WNT11: variants seen among roughly 807,000 people sequenced by gnomAD.
The protein encoded by WNT11 is Wnt family member 11.
WNT11 carries 20 observed loss-of-function variants against 35.6 expected under a neutral mutation model. That is an observed-to-expected ratio of 0.56 (90% CI 0.40 to 0.82). WNT11 has a LOEUF of 0.82. Among genes scored for constraint, WNT11 ranks in the 40% least tolerant of loss-of-function variants. The pLI, the probability that WNT11 is intolerant of heterozygous loss-of-function variation, is 0.00. For missense variants in WNT11, 459 were observed against 504.4 expected, an observed-to-expected ratio of 0.91 and a Z score of 0.86; for synonymous variants, 200 against 211.9, an observed-to-expected ratio of 0.94 and a Z score of 0.49.
At chr11:76,210,534 G>C (rs1205306631), upstream of WNT11, 1 of 985,154 alleles carries the variant, frequency 1.0e-6, no homozygotes, top group Non-Finnish European at 1.2e-6. Flanking sequence ...CCAGGGAGCG[G>C]CGAGTGCGGT....
chr11:76,195,729 G>A (rs1349518725), intron 2 of WNT11, among the ~76,000 whole-genome samples: 2 of 152,238 alleles, frequency 1.3e-5, no homozygotes, highest in Non-Finnish European at 2.9e-5. Flanking sequence ...TAACTAGCAA[G>A]CCACTTTCCC....
chr11:76,187,173 G>T lies in WNT11; in HGVS notation c.957C>A (p.Asn319Lys), dbSNP rs1317167939. The change falls in exon 5 of 5, where the codon AAC becomes AAA. Residue 319 changes from asparagine (N) to lysine (K), a missense_variant. By Grantham distance (94) the Asn-to-Lys change is moderately conservative (BLOSUM62 0). Coordinates refer to ENST00000322563, the MANE Select transcript of WNT11 (RefSeq NM_004626.3). ...GCTCGACCACGCGGTCTGTGTAGGG[G>T]TTGTAGCCACGCCCGCAGCACATAA... is the stretch of plus-strand genomic sequence containing the variant. ...CDLMCCGRGY[N>K]PYTDRVVERC... is the part of the protein sequence containing the mutation. The T allele has an allele frequency of 6.2e-7, 1 of 1,611,036 alleles. No homozygotes were observed. Among genetic ancestry groups the T allele is most frequent in the Non-Finnish European group, 8.5e-7 (1 of 1,180,004 alleles).
At position 76,187,037 on chromosome 11, in the gene WNT11, G is replaced by T. The variant is rs749604830; in HGVS notation, c.*28C>A. On this transcript the variant is annotated 3_prime_UTR_variant, in exon 5 of 5. Coordinates refer to ENST00000322563, the MANE Select transcript of WNT11 (RefSeq NM_004626.3). ...CTGAGGGTCCTTGAGCAGAGTCCTCGCTCCTGCGTGGGGCGGAGGGCAGGG... is the reference window on the plus strand; with the variant it reads ...CTGAGGGTCCTTGAGCAGAGTCCTCTCTCCTGCGTGGGGCGGAGGGCAGGG... 2 of 1,605,828 alleles carry T rather than the reference G, an allele frequency of 1.2e-6. No homozygotes were observed. The highest frequency in any genetic ancestry group is 1.7e-6 in the Non-Finnish European group (2 of 1,179,708).
At chr11:76,198,927 A>G (rs1953331858) in intron 1 of WNT11, among the ~76,000 whole-genome samples, 1 of 152,180 alleles carries the variant, frequency 6.6e-6, no homozygotes, top group Non-Finnish European at 1.5e-5. Context: ...TGAGGTCAGG[A>G]GTTTGACACC....
At chr11:76,210,167 G>A (rs1166760125), upstream of WNT11, among the ~76,000 whole-genome samples, 7 of 151,952 alleles carry the variant, frequency 4.6e-5, no homozygotes, top group African/African-American at 1.7e-4. Context: ...GGGGTGCGGG[G>A]GCAGAAGAGG....
Position 76,196,541 on chromosome 11 carries a change from C to T in WNT11, c.261G>A (p.Met87Ile). The T allele has an allele frequency of 6.2e-7, 1 of 1,613,622 alleles. No individual in the cohort carries two copies. Among genetic ancestry groups the T allele is most frequent in the Non-Finnish European group, 8.5e-7 (1 of 1,180,046 alleles). ...GCTCAATGGAGGAGCAGTTCCAGCG[C>T]ATGTCGGCAAAGGCCCGGCGACAGG... ...MKACRRAFAD[M>I]RWNCSSIELA... The change falls in exon 2 of 5, where the codon ATG becomes ATA. Residue 87 changes from methionine (M) to isoleucine (I), a missense_variant. Transcript: ENST00000322563.
intron 4 of WNT11, chr11:76,190,657 A>G (rs1404744519): frequency 2.6e-5 from 4 of 152,178 alleles, no homozygotes; most frequent in Admixed American, 1.3e-4. Context: ...GTGGAATGCT[A>G]TTAGGGGCTC....
chr11:76,191,808 C>T lies in WNT11; in HGVS notation c.646G>A (p.Gly216Ser). The change falls in exon 4 of 5, where the codon GGC becomes AGC. Residue 216 changes from glycine to serine, a missense_variant. By Grantham distance (56) the Gly-to-Ser change is moderately conservative. Coordinates refer to ENST00000322563, the MANE Select transcript of WNT11 (RefSeq NM_004626.3). ...EMKCKCHGVSGSCSIRTCWKG... is the reference protein window; with the variant it reads ...EMKCKCHGVSSSCSIRTCWKG... ...CAGCAGGTGCGGATGGAGCAGGAGC[C>T]AGACACCCCATGGCACTTACACTTC... 1 of 1,609,498 alleles carries T rather than the reference C, an allele frequency of 6.2e-7. No homozygotes were observed. Among genetic ancestry groups the T allele is most frequent in the Non-Finnish European group, 8.5e-7 (1 of 1,179,992 alleles).
In WNT11 at chr11:76,196,653, C is replaced by A. The variant is rs1953293430; in HGVS notation, c.149G>T (p.Gly50Val). ...CAGCTGCACCTGTGCAGACACCAGA[C>A]CCTCCAGCTGCTTGCAGTGTTGCGT... ...NQTQHCKQLE[G>V]LVSAQVQLCR... Residue 50 changes from glycine to valine, a missense_variant, in exon 2 of 5, where the codon GGT becomes GTT. By Grantham distance (109) the Gly-to-Val change is moderately radical (BLOSUM62 -3). Coordinates refer to ENST00000322563, the MANE Select transcript of WNT11 (RefSeq NM_004626.3). 3 of 1,613,702 alleles carry A rather than the reference C, an allele frequency of 1.9e-6. No homozygotes were observed. Among genetic ancestry groups the A allele is most frequent in the Non-Finnish European group, 1.7e-6 (2 of 1,180,026 alleles).
chr11:76,195,481 C>T (rs1200526034), intron 2 of WNT11, among the ~76,000 whole-genome samples: 1 of 152,226 alleles, frequency 6.6e-6, no homozygotes, highest in African/African-American at 2.4e-5. Flanking sequence ...GGCGGGCCGC[C>T]ACCAGGAGCT....
upstream of WNT11, chr11:76,210,332 G>T: frequency 2.9e-6 from 2 of 686,980 alleles, no homozygotes; most frequent in Non-Finnish European, 3.6e-6. Flanking sequence ...ATGGAGGAGC[G>T]CTTGGTTTGC....
intron 1 of WNT11, 85 bp from the exon 2 acceptor site, chr11:76,196,803 C>A (rs2134585355): frequency 7.1e-7 from 1 of 1,400,568 alleles, no homozygotes; most frequent in Admixed American, 2.4e-5. Context: ...CCTTCTGGCC[C>A]CAGCCTTTCC....
At chr11:76,205,936 G>A (rs1565197770) in intron 1 of WNT11, among the ~76,000 whole-genome samples, 1 of 152,156 alleles carries the variant, frequency 6.6e-6, no homozygotes, top group Non-Finnish European at 1.5e-5. Flanking sequence ...GTGTCTCAGC[G>A]GAACTCCCGC....
At position 76,186,423 on chromosome 11, in the gene WNT11, C is replaced by T. The variant is rs1490906012; in HGVS notation, c.*642G>A. Reference sequence around the variant, plus strand: ...CAGGGGCGGGCTGGGGCTCACTCAGCATTTATTTCATACAGCTGCTTAAAA... The same window carrying T: ...CAGGGGCGGGCTGGGGCTCACTCAGTATTTATTTCATACAGCTGCTTAAAA... On this transcript the variant is annotated 3_prime_UTR_variant, in exon 5 of 5. Transcript: ENST00000322563. 2.0e-5 allele frequency: 3 copies of T among 151,732 alleles called. No individual in the cohort carries two copies. Among genetic ancestry groups the T allele is most frequent in the Non-Finnish European group, 1.5e-5 (1 of 67,966 alleles). The allele number at this position is 151,732 out of a possible 1,614,324, so 9.4% of individuals were successfully genotyped here.
chr11:76,206,507 G>A, upstream of WNT11: 6 of 1,244,392 alleles, frequency 4.8e-6, no homozygotes, highest in Non-Finnish European at 5.0e-6. Context: ...GCCTGCAGCC[G>A]GGGAGAGCGG....
At chr11:76,201,469 T>C (rs1423263449) in intron 1 of WNT11, among the ~76,000 whole-genome samples, 2 of 152,206 alleles carry the variant, frequency 1.3e-5, no homozygotes, top group Non-Finnish European at 2.9e-5. Flanking sequence ...GGAGTTCTCC[T>C]TGTGGACATC....
At chr11:76,209,478 G>T (rs1165378404), upstream of WNT11, among the ~76,000 whole-genome samples, 3 of 152,108 alleles carry the variant, frequency 2.0e-5, no homozygotes, top group African/African-American at 4.8e-5. Context: ...CGCGCGGCGC[G>T]CAAGGTCGGC....
At chr11:76,192,294 G>A (rs1953198059) in intron 3 of WNT11, among the ~76,000 whole-genome samples, 1 of 152,206 alleles carries the variant, frequency 6.6e-6, no homozygotes, top group African/African-American at 2.4e-5. Context: ...TCCAAAAGTG[G>A]TGGCTTTTAA....
At chr11:76,187,428 T>A (rs1347512205) in intron 4 of WNT11, among the ~76,000 whole-genome samples, 189 bp from the exon 5 acceptor site, 2 of 152,234 alleles carry the variant, frequency 1.3e-5, no homozygotes, top group Non-Finnish European at 2.9e-5. Context: ...CTTTTCCCTA[T>A]ATTTCTAATA....
Sources: allele counts gnomAD v4.1 joint callset (sites outside exome capture counted in the v4.1 genomes callset), GRCh38; gene constraint gnomAD v4.1.1; transcripts MANE v1.5; gene names NCBI Gene and HGNC (gene_info 2026-07-23, HGNC 2026-07-21).